SLC2A10: variants seen among roughly 807,000 people sequenced by gnomAD.
The protein encoded by SLC2A10 is solute carrier family 2, facilitated glucose transporter member 10.
SLC2A10 carries 25 observed loss-of-function variants against 32.1 expected under a neutral mutation model. The observed-to-expected ratio is 0.78, with a 90% CI of 0.57 to 1.09. The LOEUF (loss-of-function observed/expected upper bound fraction) is 1.09. SLC2A10 is among the 50% of genes least tolerant of loss of function. The pLI is 0.00. For missense variants in SLC2A10, 673 were observed against 686.5 expected (o/e 0.98, Z 0.22); for synonymous variants, 332 against 309.6 (o/e 1.07, Z -0.76).
chr20:46,726,847 C>G lies in SLC2A10; in HGVS notation c.1289-17C>G. 1.2e-6 allele frequency: 2 copies of G among 1,613,992 alleles called. No individual in the cohort carries two copies. Among genetic ancestry groups the G allele is most frequent in the Non-Finnish European group, 1.7e-6 (2 of 1,180,016 alleles). On this transcript the variant is annotated splice_polypyrimidine_tract_variant and intron_variant, in intron 2 of 4. Transcript: ENST00000359271. ...GTCCCACCACAGCCCAGGAGCCCTCCTGCTCTCCCACCCTAGTGACCTGGC... is the reference window on the plus strand; with the variant it reads ...GTCCCACCACAGCCCAGGAGCCCTCGTGCTCTCCCACCCTAGTGACCTGGC...
Position 46,734,114 on chromosome 20 carries a change from C to G in SLC2A10, c.*280C>G. 2 of 508,238 alleles carry G rather than the reference C, an allele frequency of 3.9e-6. No homozygotes were observed. The highest frequency in any genetic ancestry group is 7.1e-6 in the Non-Finnish European group (2 of 280,348). The allele number at this position is 508,238 out of a possible 1,614,324, so 31.5% of individuals were successfully genotyped here. On this transcript the variant is annotated 3_prime_UTR_variant, in exon 5 of 5. Transcript: ENST00000359271. ...CTGCAGTATTTATAAGAAGAATATT[C>G]TATGAAGTCTTTGTTGCACCATGGA... is the stretch of plus-strand genomic sequence containing the variant.
chr20:46,718,409 G>T (rs1357378740), intron 1 of SLC2A10, among the ~76,000 whole-genome samples: 1 of 152,078 alleles, frequency 6.6e-6, no homozygotes, highest in East Asian at 1.9e-4. Flanking sequence ...TCCTCTTCTT[G>T]TCGTTTTTCC....
chr20:46,726,135 A>G lies in SLC2A10; in HGVS notation c.1099A>G (p.Ile367Val). The change falls in exon 2 of 5, where the codon ATC becomes GTC. Residue 367 changes from isoleucine (I) to valine (V), a missense_variant. Ile to Val is a conservative substitution (Grantham distance 29). Transcript: ENST00000359271. ...GACCAATGAGGACCAAAGGGAGCCA[A>G]TCTTGTCCACTGCTAAGAAAACCAA... ...PRTNEDQREP[I>V]LSTAKKTKPH... is the part of the protein sequence containing the mutation. 1 of 1,614,238 alleles carries G rather than the reference A, an allele frequency of 6.2e-7. No homozygotes were observed. The highest frequency in any genetic ancestry group is 8.5e-7 in the Non-Finnish European group (1 of 1,180,034).
chr20:46,711,313 C>A (rs1978899589), intron 1 of SLC2A10, among the ~76,000 whole-genome samples: 2 of 152,192 alleles, frequency 1.3e-5, no homozygotes, highest in African/African-American at 4.8e-5. Flanking sequence ...CCCAAGGTCA[C>A]ACAGCTATGG....
intron 1 of SLC2A10, chr20:46,710,247 A>G (rs764853210): frequency 2.8e-5 from 11 of 393,494 alleles, no homozygotes; most frequent in Non-Finnish European, 4.9e-5. Flanking sequence ...CTAACACAGC[A>G]TTGGGGTGGG....
chr20:46,719,147 G>GT (rs911548074), intron 1 of SLC2A10, among the ~76,000 whole-genome samples: 67 of 146,286 alleles, frequency 4.6e-4, no homozygotes, highest in African/African-American at 9.3e-4. Context: ...GTTACTGGTT[G>GT]TTTTTTTTTT....
At chr20:46,729,922 G>A (rs1358212154) in intron 4 of SLC2A10, among the ~76,000 whole-genome samples, 1 of 152,014 alleles carries the variant, frequency 6.6e-6, no homozygotes, top group East Asian at 1.9e-4. Flanking sequence ...GAGCCACCGC[G>A]CCCGGCCGGC....
At chr20:46,708,857 T>A (rs1015022847), upstream of SLC2A10, among the ~76,000 whole-genome samples, 1 of 152,158 alleles carries the variant, frequency 6.6e-6, no homozygotes, top group Admixed American at 6.5e-5. Flanking sequence ...CCCCATAAGC[T>A]CCTTCCCACC....
chr20:46,729,569 C>T, intron 4 of SLC2A10, 81 bp downstream of exon 4: 2 of 1,514,788 alleles, frequency 1.3e-6, no homozygotes, highest in Non-Finnish European at 1.8e-6. Context: ...AGTCTTTGTG[C>T]TTTCCTTTTG....
chr20:46,709,647 TTGTC>T, exon 1 of SLC2A10: 1 of 1,476,906 alleles, frequency 6.8e-7, no homozygotes, highest in Non-Finnish European at 9.1e-7. Context: ...GCCGGAAAGT[TTGTC>T]CGGCGGCAGC....
intron 4 of SLC2A10, among the ~76,000 whole-genome samples, chr20:46,732,103 T>C (rs771211373): frequency 6.6e-6 from 1 of 152,172 alleles, no homozygotes; most frequent in Non-Finnish European, 1.5e-5. Context: ...GATGTGCTTG[T>C]TGGAAATGGG....
chr20:46,722,707 C>T (rs1432254687), intron 1 of SLC2A10, among the ~76,000 whole-genome samples: 3 of 152,218 alleles, frequency 2.0e-5, no homozygotes, highest in Admixed American at 2.0e-4. Flanking sequence ...CACACTATGC[C>T]TGGCACATAG....
intron 4 of SLC2A10, among the ~76,000 whole-genome samples, chr20:46,729,732 C>G (rs1980192662): frequency 6.7e-6 from 1 of 149,270 alleles, no homozygotes. Flanking sequence ...AGCTCCGCCT[C>G]CCGGGTTCAC....
Position 46,733,989 on chromosome 20 carries a change from A to G in SLC2A10, c.*155A>G. Reference sequence around the variant, plus strand: ...TGCTTTTGCTGGGGTAAAAAGGATGAAAGTCTGAGAATGCCCAACTCTTCA... The same window carrying G: ...TGCTTTTGCTGGGGTAAAAAGGATGGAAGTCTGAGAATGCCCAACTCTTCA... On this transcript the variant is annotated 3_prime_UTR_variant, in exon 5 of 5. Transcript: ENST00000359271. 4.2e-6 allele frequency: 3 copies of G among 717,298 alleles called. No homozygotes were observed. The highest frequency in any genetic ancestry group is 7.4e-6 in the Non-Finnish European group (3 of 403,132). 44.4% of individuals were successfully genotyped at this position (717,298 alleles called of 1,614,324 possible). A position where few individuals can be genotyped will look rare whatever the true frequency, so the allele number is the denominator to read the frequency against.
Position 46,725,748 on chromosome 20 carries a change from C to G in SLC2A10, c.712C>G (p.Leu238Val), listed in dbSNP as rs761633200. The G allele has an allele frequency of 1.7e-5, 27 of 1,614,096 alleles. No individual in the cohort carries two copies. Among genetic ancestry groups the G allele is most frequent in the Non-Finnish European group, 2.1e-5 (25 of 1,180,040 alleles). The change falls in exon 2 of 5, where the codon CTG (leucine) becomes GTG (valine). Residue 238 changes from leucine to valine, a missense_variant. Transcript: ENST00000359271. The part of the protein sequence containing the change: ...MRGRTTVGLG[L>V]VLFQQLTGQP... ...AGGCCGGACCACAGTGGGCCTGGGG[C>G]TGGTGCTCTTCCAGCAACTAACAGG...
rs1214381530 is a variant in SLC2A10 at position 46,734,856 on chromosome 20, G to A, written c.*1022G>A. ...TTGCGGAAAGGAGATGGGTTTGGAG[G>A]CCAACAAACCTGCTTGTCAATATTG... On this transcript the variant is annotated 3_prime_UTR_variant, in exon 5 of 5. Transcript: ENST00000359271. The A allele has an allele frequency of 6.5e-6, 1 of 152,690 alleles. No individual in the cohort carries two copies. Among genetic ancestry groups the A allele is most frequent in the East Asian group, 1.9e-4 (1 of 5,196 alleles). The allele number at this position is 152,690 out of a possible 1,614,324, so 9.5% of individuals were successfully genotyped here.
At chr20:46,712,385 A>G (rs1190170627) in intron 1 of SLC2A10, among the ~76,000 whole-genome samples, 1 of 152,066 alleles carries the variant, frequency 6.6e-6, no homozygotes, top group Non-Finnish European at 1.5e-5. Flanking sequence ...TTGCAGCTGG[A>G]GATACTTGCA....
intron 4 of SLC2A10, among the ~76,000 whole-genome samples, chr20:46,733,410 C>T (rs1394451024): frequency 6.6e-6 from 1 of 152,110 alleles, no homozygotes; most frequent in East Asian, 1.9e-4. Flanking sequence ...CCCATCAGGC[C>T]CCACCTCCAA....
chr20:46,726,089 C>T lies in SLC2A10; in HGVS notation c.1053C>T (p.Ser351=), dbSNP rs758241719. 1 of 1,614,256 alleles carries T rather than the reference C, an allele frequency of 6.2e-7. No homozygotes were observed. Reference sequence around the variant, plus strand: ...GAGACTCTGGCCTGCTGCAGGACTCCTCTCTACCTCCCATTCCAAGGACCA... The same window carrying T: ...GAGACTCTGGCCTGCTGCAGGACTCTTCTCTACCTCCCATTCCAAGGACCA... ...LPGDSGLLQD[S]SLPPIPRTNE... Residue 351 remains serine (S), a synonymous_variant, in exon 2 of 5, where the codon TCC becomes TCT. Coordinates refer to ENST00000359271, the MANE Select transcript of SLC2A10 (RefSeq NM_030777.4).
Sources: gnomAD v4.1 joint callset for allele counts (sites outside exome capture counted in the v4.1 genomes callset) on GRCh38, gnomAD v4.1.1 for gene constraint, MANE v1.5 for transcripts, NCBI Gene and HGNC (gene_info 2026-07-23, HGNC 2026-07-21) for gene names.